Variants in TSPAN9 observed in about 807,000 individuals in gnomAD.
TSPAN9 encodes tetraspanin-9.
A neutral mutation model predicts 31.0 loss-of-function variants in TSPAN9; 16 were observed. The observed-to-expected ratio is 0.52, with a 90% confidence interval of 0.35 to 0.78. The LOEUF is 0.78. Among genes scored for constraint, TSPAN9 ranks in the 30% least tolerant of loss-of-function variants. TSPAN9 has a pLI of 0.01. For missense variants in TSPAN9, 272 were observed against 312.5 expected (o/e 0.87, Z 0.98); for synonymous variants, 145 against 121.6 (o/e 1.19, Z -1.27).
At chr12:3,091,018 A>G (rs889417472) in intron 2 of TSPAN9, among the ~76,000 whole-genome samples, 1 of 152,210 alleles carries the variant, frequency 6.6e-6, no homozygotes, top group Admixed American at 6.5e-5. Context: ...CTCCTGCCCT[A>G]TGGCTCTGAG....
At chr12:3,113,327 G>A (rs545444428) in intron 2 of TSPAN9, among the ~76,000 whole-genome samples, 1 of 152,140 alleles carries the variant, frequency 6.6e-6, no homozygotes, top group Non-Finnish European at 1.5e-5. Context: ...GAGCATCCTG[G>A]TGGATGCCTG....
At chr12:3,130,001 T>G (rs489296) in intron 2 of TSPAN9, among the ~76,000 whole-genome samples, 49,022 of 151,998 alleles carry the variant, frequency 0.32, 8,440 homozygotes, top group Non-Finnish European at 0.39. Context: ...CCTCCCTGCA[T>G]CCTCTTTCTT....
In TSPAN9 at chr12:3,147,837, C is replaced by T. The variant is rs552485221; in HGVS notation, c.-17-53340C>T. Among the ~76,000 whole-genome samples the T allele has an allele frequency of 3.9e-5, 6 of 152,232 alleles. No homozygotes were observed. The highest frequency in any genetic ancestry group is 2.0e-4 in the Admixed American group (3 of 15,304). On this transcript the variant is annotated intron_variant, in intron 2 of 8. Coordinates refer to ENST00000011898, the MANE Select transcript of TSPAN9 (RefSeq NM_006675.5). The surrounding 1 kb of genome is among the most constrained non-coding windows in gnomAD (Gnocchi z 4.3). ...GGTGGGTGCCCTTTGGTGAGAGGTGCGTTGTGAGTGCCTTGTTCTTAGTAA... is the reference window on the plus strand; with the variant it reads ...GGTGGGTGCCCTTTGGTGAGAGGTGTGTTGTGAGTGCCTTGTTCTTAGTAA...
At chr12:3,265,841 T>A (rs908484231) in intron 3 of TSPAN9, among the ~76,000 whole-genome samples, 12 of 152,124 alleles carry the variant, frequency 7.9e-5, no homozygotes, top group African/African-American at 2.9e-4. Flanking sequence ...GCAAATTGGG[T>A]TAAAATCCCA....
At chr12:3,126,972 C>T (rs1441830122) in intron 2 of TSPAN9, among the ~76,000 whole-genome samples, 3 of 152,102 alleles carry the variant, frequency 2.0e-5, no homozygotes, top group South Asian at 2.1e-4. Flanking sequence ...CATGGAGTCT[C>T]GCTGTGTTGC....
At chr12:3,275,312 C>T (rs772219603) in intron 3 of TSPAN9, among the ~76,000 whole-genome samples, 2 of 152,172 alleles carry the variant, frequency 1.3e-5, no homozygotes, top group East Asian at 1.9e-4. Flanking sequence ...TTTCCAGGCC[C>T]GAGAAGGGTC....
At chr12:3,083,986 C>T (rs2098299174) in intron 2 of TSPAN9, 1 of 152,160 alleles carries the variant, frequency 6.6e-6, no homozygotes, top group Non-Finnish European at 1.5e-5. Context: ...TCTTTCTTGG[C>T]CACCCCATTT....
At chr12:3,120,059 C>T (rs1424380766) in intron 2 of TSPAN9, among the ~76,000 whole-genome samples, 3 of 152,208 alleles carry the variant, frequency 2.0e-5, no homozygotes, top group African/African-American at 7.2e-5. Context: ...TTTCAGATGC[C>T]TGCTTGGGAA....
intron 2 of TSPAN9, among the ~76,000 whole-genome samples, chr12:3,190,378 C>G (rs1397814819): frequency 6.6e-6 from 1 of 152,272 alleles, no homozygotes; most frequent in Non-Finnish European, 1.5e-5. Flanking sequence ...CTCATCCTCC[C>G]CGCAGCCACC....
At chr12:3,125,635 T>C (rs975631564) in intron 2 of TSPAN9, among the ~76,000 whole-genome samples, 24 of 152,216 alleles carry the variant, frequency 1.6e-4, no homozygotes, top group African/African-American at 4.8e-4. Flanking sequence ...TGATTTTTTT[T>C]CTCTGTGGTT....
At chr12:3,203,315 G>A (rs1365209709) in intron 3 of TSPAN9, among the ~76,000 whole-genome samples, 2 of 152,212 alleles carry the variant, frequency 1.3e-5, no homozygotes, top group East Asian at 1.9e-4. Context: ...AATGCATGGA[G>A]GGCCAGAGCT....
intron 2 of TSPAN9, among the ~76,000 whole-genome samples, chr12:3,105,329 C>G (rs111738457): frequency 3.9e-5 from 6 of 152,156 alleles, no homozygotes; most frequent in African/African-American, 1.4e-4. Flanking sequence ...TTTTACCTAT[C>G]CCTTTCCTTC....
In TSPAN9 at chr12:3,284,938, A is replaced by G. The variant is rs980203703; in HGVS notation, c.*1822A>G. The G allele has an allele frequency of 6.6e-6, 1 of 152,262 alleles. No homozygotes were observed. The highest frequency in any genetic ancestry group is 2.4e-5 in the African/African-American group (1 of 41,462). 9.4% of individuals were successfully genotyped at this position (152,262 alleles called of 1,614,324 possible). A position where few individuals can be genotyped will look rare whatever the true frequency, so the allele number is the denominator to read the frequency against. ...ACCTTAAGTAACACACAAATCGGGAACAGGAGGACAGAACCGTTGGCATTA... is the reference window on the plus strand; with the variant it reads ...ACCTTAAGTAACACACAAATCGGGAGCAGGAGGACAGAACCGTTGGCATTA... On this transcript the variant is annotated 3_prime_UTR_variant, in exon 9 of 9. Coordinates refer to ENST00000011898, the MANE Select transcript of TSPAN9 (RefSeq NM_006675.5).
chr12:3,278,881 C>A, intron 4 of TSPAN9, 111 bp from the exon 5 acceptor site: 2 of 1,207,646 alleles, frequency 1.7e-6, no homozygotes, highest in South Asian at 1.3e-5. Flanking sequence ...GCTGGCTTCT[C>A]CCAGACCTGG....
chr12:3,139,632 G>T (rs2098333810), intron 2 of TSPAN9, among the ~76,000 whole-genome samples: 1 of 152,090 alleles, frequency 6.6e-6, no homozygotes, highest in Non-Finnish European at 1.5e-5. Context: ...GCAGTGGTGT[G>T]ACTCCCAGGC....
chr12:3,175,154 A>G (rs1393926588), intron 2 of TSPAN9, among the ~76,000 whole-genome samples: 1 of 152,178 alleles, frequency 6.6e-6, no homozygotes, highest in South Asian at 2.1e-4. Flanking sequence ...GCTGTCCTGC[A>G]GGACCTAGGA....
chr12:3,229,388 G>A (rs985241490), intron 3 of TSPAN9, among the ~76,000 whole-genome samples: 10 of 152,190 alleles, frequency 6.6e-5, no homozygotes, highest in Non-Finnish European at 1.3e-4. Context: ...TGGGTATGTG[G>A]CCCTCACTCT....
intron 2 of TSPAN9, among the ~76,000 whole-genome samples, chr12:3,132,190 TC>T (rs1244287453): frequency 6.6e-6 from 1 of 152,222 alleles, no homozygotes; most frequent in African/African-American, 2.4e-5. Flanking sequence ...TTGGGTTGTT[TC>T]CACCTTTGGG....
intron 3 of TSPAN9, among the ~76,000 whole-genome samples, chr12:3,222,716 GA>G (rs1229017674): frequency 1.3e-5 from 2 of 152,180 alleles, no homozygotes; most frequent in Non-Finnish European, 2.9e-5. Context: ...TGGTCCTCAA[GA>G]AATATTAACT....
Sources: gnomAD v4.1 joint callset for allele counts (sites outside exome capture counted in the v4.1 genomes callset) on GRCh38, gnomAD v4.1.1 for gene constraint, Gnocchi (gnomAD v3.1) non-coding constraint, MANE v1.5 for transcripts, NCBI Gene and HGNC (gene_info 2026-07-23, HGNC 2026-07-21) for gene names.